MAST2: variants seen among roughly 807,000 people sequenced by gnomAD.
The protein encoded by MAST2 is microtubule-associated serine/threonine-protein kinase 2.
Under a neutral mutation model 147.4 loss-of-function variants are expected in MAST2, and 70 were observed. The ratio of observed to expected loss-of-function variants is 0.47; its 90% CI spans 0.39 to 0.58. The LOEUF (loss-of-function observed/expected upper bound fraction) is 0.58, where lower values mean the gene tolerates loss of function less well. Ranked by LOEUF, MAST2 falls within the 20% of genes least tolerant of loss-of-function variation. The pLI is 0.00. For synonymous variants in MAST2, 869 were observed against 896.8 expected (o/e 0.97, Z 0.55); for missense variants, 2,080 against 2,302.3 (o/e 0.90, Z 1.98).
intron 6 of MAST2, among the ~76,000 whole-genome samples, chr1:45,998,351 A>G (rs941119799): frequency 1.3e-5 from 2 of 152,236 alleles, no homozygotes; most frequent in African/African-American, 4.8e-5. Context: ...ATACAGAGCC[A>G]TGCTTACAGT....
chr1:46,027,530 G>A (rs779835182), intron 16 of MAST2, among the ~76,000 whole-genome samples: 5 of 152,184 alleles, frequency 3.3e-5, no homozygotes, highest in African/African-American at 1.2e-4. Context: ...AGGCAGGTTC[G>A]TTGCTTGTGC....
intron 4 of MAST2, among the ~76,000 whole-genome samples, chr1:45,929,609 C>A (rs954451125): frequency 3.3e-5 from 5 of 152,136 alleles, no homozygotes; most frequent in Admixed American, 6.5e-5. Flanking sequence ...AGAGGAGGAG[C>A]CATTGCTGAT....
intron 5 of MAST2, among the ~76,000 whole-genome samples, chr1:45,973,566 C>T (rs1237195043): frequency 4.6e-5 from 7 of 152,144 alleles, no homozygotes; most frequent in African/African-American, 1.7e-4. Flanking sequence ...TGGACTTTCA[C>T]CATATAAAAA....
chr1:45,966,200 A>G (rs763222771), intron 5 of MAST2, among the ~76,000 whole-genome samples: 8 of 151,974 alleles, frequency 5.3e-5, no homozygotes, highest in African/African-American at 9.7e-5. Flanking sequence ...TTGATAGCTC[A>G]TTTCTTTCTG....
At chr1:46,030,492 G>C (rs775754437) in intron 21 of MAST2, 115 bp from the exon 22 acceptor site, 9 of 1,249,144 alleles carry the variant, frequency 7.2e-6, no homozygotes, top group Non-Finnish European at 9.9e-6. Context: ...GTGTGTGAAG[G>C]AGGGATGGAA....
intron 3 of MAST2, among the ~76,000 whole-genome samples, chr1:45,880,909 T>G (rs1646815004): frequency 7.4e-6 from 1 of 134,264 alleles, no homozygotes; most frequent in African/African-American, 2.9e-5. Flanking sequence ...ACCCAGGAAG[T>G]GGAGGTTGCA....
chr1:46,016,253 C>A lies in MAST2; in HGVS notation c.1189-3343C>A, dbSNP rs895651887. On this transcript the variant is annotated intron_variant, in intron 10 of 28. Transcript: ENST00000361297. ...TGAATGGGCAAAAACTGGAAGCATTCCCTTTGAAAACTGCCACAAGACAGG... is the reference window on the plus strand; with the variant it reads ...TGAATGGGCAAAAACTGGAAGCATTACCTTTGAAAACTGCCACAAGACAGG... Among the ~76,000 whole-genome samples the A allele has an allele frequency of 1.6e-5, 2 of 127,832 alleles. 1 individual carries two copies. The highest frequency in any genetic ancestry group is 3.4e-5 in the Non-Finnish European group (2 of 58,718). 83.9% of individuals were successfully genotyped at this position (127,832 alleles called of 152,430 possible). A position where few individuals can be genotyped will look rare whatever the true frequency, so the allele number is the denominator to read the frequency against.
intron 3 of MAST2, among the ~76,000 whole-genome samples, chr1:45,834,014 T>C (rs1645034008): frequency 6.6e-6 from 1 of 152,154 alleles, no homozygotes; most frequent in African/African-American, 2.4e-5. Flanking sequence ...CTATTTCTGC[T>C]TTGACCACCC....
chr1:45,973,222 C>A (rs2149002837), intron 5 of MAST2, among the ~76,000 whole-genome samples: 1 of 147,624 alleles, frequency 6.8e-6, no homozygotes, highest in South Asian at 2.3e-4. Flanking sequence ...GTTGATAACT[C>A]CAGTTCTTAA....
chr1:45,954,288 G>C (rs149302354), intron 4 of MAST2, among the ~76,000 whole-genome samples: 1 of 152,108 alleles, frequency 6.6e-6, no homozygotes, highest in Non-Finnish European at 1.5e-5. Flanking sequence ...CAGATTTTCC[G>C]AGTGCCTGCT....
chr1:45,807,347 G>T (rs1644171367), intron 1 of MAST2, among the ~76,000 whole-genome samples: 3 of 151,948 alleles, frequency 2.0e-5, no homozygotes, highest in South Asian at 2.1e-4. Context: ...TATTTAGCAG[G>T]CTCATTCTGT....
At chr1:45,943,213 G>C (rs138691263) in intron 4 of MAST2, among the ~76,000 whole-genome samples, 1 of 152,234 alleles carries the variant, frequency 6.6e-6, no homozygotes, top group African/African-American at 2.4e-5. Flanking sequence ...GAGGCATGAT[G>C]ATGGGTGGGA....
intron 5 of MAST2, among the ~76,000 whole-genome samples, chr1:45,962,867 G>C (rs1250757972): frequency 1.3e-5 from 2 of 152,138 alleles, no homozygotes; most frequent in East Asian, 3.8e-4. Context: ...GTATTGCCTA[G>C]GTTTTCTTCT....
At chr1:45,915,602 C>T (rs979878949) in intron 4 of MAST2, among the ~76,000 whole-genome samples, 9 of 150,954 alleles carry the variant, frequency 6.0e-5, no homozygotes, top group African/African-American at 1.9e-4. Flanking sequence ...CCCAGCTACT[C>T]GGGAGGCTGA....
chr1:45,986,234 A>C (rs1028209278), intron 5 of MAST2, among the ~76,000 whole-genome samples: 2 of 152,192 alleles, frequency 1.3e-5, no homozygotes, highest in Non-Finnish European at 2.9e-5. Context: ...TTTTATCAAA[A>C]ATTATTATTG....
intron 1 of MAST2, among the ~76,000 whole-genome samples, chr1:45,811,561 G>A (rs1163935475): frequency 1.3e-5 from 2 of 149,620 alleles, no homozygotes; most frequent in African/African-American, 2.5e-5. Context: ...GGATGGTCTC[G>A]ATCTCCTGAC....
rs533324732 is a variant in MAST2 at position 45,803,630 on chromosome 1, C to G, written c.-266C>G. On this transcript the variant is annotated 5_prime_UTR_variant, in exon 1 of 29. Transcript: ENST00000361297. ...GCTGGCTGTAGGCAGGCGGCTGAGC[C>G]GGCGGCGGGTGGCCTGCCCAACGTG... 2 of 238,288 alleles carry G rather than the reference C, an allele frequency of 8.4e-6. No homozygotes were observed. Among genetic ancestry groups the G allele is most frequent in the Admixed American group, 1.1e-4 (2 of 17,702 alleles). The allele number at this position is 238,288 out of a possible 1,614,324, so 14.8% of individuals were successfully genotyped here.
At chr1:45,915,043 G>T (rs1363399967) in intron 4 of MAST2, among the ~76,000 whole-genome samples, 1 of 152,106 alleles carries the variant, frequency 6.6e-6, no homozygotes, top group East Asian at 1.9e-4. Flanking sequence ...GGGCCCAAGG[G>T]ATCCTTCCAC....
At position 46,010,167 on chromosome 1, in the gene MAST2, G is replaced by T. The variant is rs568621083; in HGVS notation, c.979-563G>T. Among the ~76,000 whole-genome samples, 67 of 152,302 alleles carry T rather than the reference G, an allele frequency of 4.4e-4. 1 individual carries two copies. Among genetic ancestry groups the T allele is most frequent in the African/African-American group, 1.4e-3 (60 of 41,556 alleles). ...TAAGTAAGAGGATCCTGAGTTAAAT[G>T]AAACTCTCTCTCACTTAACAAACTT... On this transcript the variant is annotated intron_variant, in intron 9 of 28. Transcript: ENST00000361297.
Sources: gnomAD v4.1 joint callset for allele counts (sites outside exome capture counted in the v4.1 genomes callset) on GRCh38, gnomAD v4.1.1 for gene constraint, MANE v1.5 for transcripts, NCBI Gene and HGNC (gene_info 2026-07-23, HGNC 2026-07-21) for gene names.